AMN1: variants seen among roughly 807,000 people sequenced by gnomAD.
AMN1 encodes the protein antagonist of mitotic exit network 1 homolog.
A neutral mutation model predicts 33.0 loss-of-function variants in AMN1; 20 were observed. The observed-to-expected ratio is 0.61, with a 90% confidence interval of 0.43 to 0.88. The LOEUF (loss-of-function observed/expected upper bound fraction) is 0.88, where lower values mean the gene tolerates loss of function less well. Ranked by LOEUF, AMN1 falls within the 40% of genes least tolerant of loss-of-function variation. The pLI is 0.00. For synonymous variants in AMN1, 114 were observed against 111.9 expected, an observed-to-expected ratio of 1.02 and a Z score of -0.12; for missense variants, 246 against 307.4, an observed-to-expected ratio of 0.80 and a Z score of 1.49.
At chr12:31,703,901 A>G (rs751801992) in intron 2 of AMN1, among the ~76,000 whole-genome samples, 36 of 152,194 alleles carry the variant, frequency 2.4e-4, no homozygotes, top group African/African-American at 2.2e-4. Context: ...CTGGAACCCT[A>G]TGATTGCCAT....
chr12:31,672,740 A>C (rs548264705), intron 6 of AMN1: 1 of 185,976 alleles, frequency 5.4e-6, no homozygotes, highest in South Asian at 1.1e-4. Context: ...ATGATTCACT[A>C]AAGTGGGGTG....
chr12:31,701,962 T>C lies in AMN1; in HGVS notation c.217A>G (p.Ile73Val), dbSNP rs903499293. 3.1e-6 allele frequency: 5 copies of C among 1,610,006 alleles called. No individual in the cohort carries two copies. In the African/African-American group the frequency reaches 6.7e-5, roughly 22 times the overall value. ...VQTLDLRSCD[I>V]SDAALLHLSN... Reference sequence around the variant, plus strand: ...AGGTGCAGGAGAGCAGCATCTGATATATCGCAGCTCCGTAGATCTAGAGTT... The same window carrying C: ...AGGTGCAGGAGAGCAGCATCTGATACATCGCAGCTCCGTAGATCTAGAGTT... Residue 73 changes from isoleucine to valine, a missense_variant, in exon 3 of 7, where the codon ATA becomes GTA. By Grantham distance (29) the Ile-to-Val change is conservative. Transcript: ENST00000281471.
intron 5 of AMN1, among the ~76,000 whole-genome samples, chr12:31,692,414 T>C (rs1250934696): frequency 6.7e-6 from 1 of 149,514 alleles, no homozygotes; most frequent in Non-Finnish European, 1.5e-5. Context: ...CCGAGATCAC[T>C]GCATACCAGC....
chr12:31,693,224 T>C (rs1039056153), intron 5 of AMN1, among the ~76,000 whole-genome samples: 2 of 152,156 alleles, frequency 1.3e-5, no homozygotes, highest in Non-Finnish European at 2.9e-5. Flanking sequence ...AGTACAGGCA[T>C]GCACCACCAC....
rs1248728319 is a variant in AMN1 at position 31,723,109 on chromosome 12, G to T, written c.38+5862C>A. Among the ~76,000 whole-genome samples the T allele has an allele frequency of 2.6e-5, 4 of 151,998 alleles. No homozygotes were observed. In the East Asian group the frequency reaches 5.9e-4, roughly 22 times the overall value. On this transcript the variant is annotated intron_variant, in intron 1 of 6. Transcript: ENST00000281471. ...GGAGGCAGAGGTTGCAGTGAGCTGA[G>T]ATCGGGCCACTGCACTCCAGCCTGG...
intron 5 of AMN1, among the ~76,000 whole-genome samples, chr12:31,693,804 A>T (rs1938605090): frequency 6.6e-6 from 1 of 151,976 alleles, no homozygotes; most frequent in African/African-American, 2.4e-5. Flanking sequence ...AGCCTCCCAA[A>T]GTGCTGGGAT....
At chr12:31,681,285 G>C (rs1172364187) in intron 6 of AMN1, among the ~76,000 whole-genome samples, 1 of 152,050 alleles carries the variant, frequency 6.6e-6, no homozygotes, top group African/African-American at 2.4e-5. Flanking sequence ...CTGGAGTATA[G>C]TGGCATGACC....
chr12:31,704,260 C>T (rs1192518332), intron 2 of AMN1, among the ~76,000 whole-genome samples: 2 of 152,142 alleles, frequency 1.3e-5, no homozygotes, highest in Non-Finnish European at 2.9e-5. Context: ...TTTAAAGTCT[C>T]TGCCAAACTG....
intron 5 of AMN1, among the ~76,000 whole-genome samples, chr12:31,695,776 C>T (rs1161294303): frequency 5.9e-5 from 9 of 151,692 alleles, no homozygotes; most frequent in Admixed American, 5.9e-4. Context: ...CGTGAGCCAC[C>T]ATGCCCAACC....
chr12:31,681,852 T>C (rs1335946340), intron 6 of AMN1, among the ~76,000 whole-genome samples: 1 of 152,148 alleles, frequency 6.6e-6, no homozygotes, highest in Non-Finnish European at 1.5e-5. Flanking sequence ...ATTAAAACAA[T>C]TTTTTATAGA....
At position 31,684,472 on chromosome 12, in the gene AMN1, A is replaced by ATT. The variant is rs199644601; in HGVS notation, c.703+4533_703+4534dup. Among the ~76,000 whole-genome samples, 12 of 142,540 alleles carry ATT rather than the reference A, an allele frequency of 8.4e-5. No individual in the cohort carries two copies. The South Asian group carries it at 1.3e-3, about 16-fold the overall frequency. 93.5% of individuals were successfully genotyped at this position (142,540 alleles called of 152,430 possible). On this transcript the variant is annotated intron_variant, in intron 6 of 6. Coordinates refer to ENST00000281471, the MANE Select transcript of AMN1 (RefSeq NM_001113402.2). The stretch of plus-strand genomic sequence containing the variant: ...AAAAACTCTTTGGGGATCCTCAGTG[A>ATT]TTTTTTTTTTTTTTTTGAGATGGAG...
intron 2 of AMN1, among the ~76,000 whole-genome samples, chr12:31,705,771 C>T (rs1939209886): frequency 6.6e-6 from 1 of 152,056 alleles, no homozygotes; most frequent in Non-Finnish European, 1.5e-5. Flanking sequence ...AACATATAGC[C>T]CTCCTGTGCA....
At chr12:31,696,139 A>C (rs1316765676) in intron 5 of AMN1, among the ~76,000 whole-genome samples, 2 of 152,038 alleles carry the variant, frequency 1.3e-5, no homozygotes, top group Non-Finnish European at 2.9e-5. Context: ...CAGGAGACTG[A>C]GGCTGGAGAA....
At chr12:31,723,137 AAC>A (rs1939935821) in intron 1 of AMN1, among the ~76,000 whole-genome samples, 1 of 152,062 alleles carries the variant, frequency 6.6e-6, no homozygotes, top group Admixed American at 6.6e-5. Context: ...CAGCCTGGGC[AAC>A]AGAGTGAGAC....
chr12:31,674,354 G>A (rs1413317029), intron 6 of AMN1, among the ~76,000 whole-genome samples: 1 of 151,560 alleles, frequency 6.6e-6, no homozygotes, highest in African/African-American at 2.4e-5. Flanking sequence ...ATTGCAGTAA[G>A]CCAAGACCAT....
intron 1 of AMN1, among the ~76,000 whole-genome samples, chr12:31,722,140 C>T (rs1939900149): frequency 1.2e-5 from 1 of 84,544 alleles, no homozygotes; most frequent in African/African-American, 3.9e-5. Flanking sequence ...GACACACACA[C>T]ACACACACAC....
chr12:31,702,045 T>C, intron 2 of AMN1, 38 bp from the exon 3 acceptor site: 1 of 1,490,658 alleles, frequency 6.7e-7, no homozygotes, highest in Non-Finnish European at 9.0e-7. Context: ...ATTATTTCTT[T>C]CTATAAATAC....
In AMN1 at chr12:31,725,651, AT is replaced by A. The variant is rs367930826; in HGVS notation, c.38+3319del. On this transcript the variant is annotated intron_variant, in intron 1 of 6. Coordinates refer to ENST00000281471, the MANE Select transcript of AMN1 (RefSeq NM_001113402.2). ...TATCATCTACAAAGTTATACCCCCA[AT>A]CTTAGTTTCAATCCTTGATCTCTCT... Among the ~76,000 whole-genome samples the A allele has an allele frequency of 5.1e-4, 78 of 152,166 alleles. 3 individuals carry two copies. The South Asian group carries it at 0.01, about 20-fold the overall frequency.
intron 6 of AMN1, among the ~76,000 whole-genome samples, 198 bp downstream of exon 6, chr12:31,688,809 T>C (rs931079686): frequency 1.3e-5 from 2 of 150,080 alleles, no homozygotes; most frequent in African/African-American, 4.9e-5. Flanking sequence ...AGACTCCGTC[T>C]CCCAAAAAAT....
Sources: allele counts gnomAD v4.1 joint callset (sites outside exome capture counted in the v4.1 genomes callset), GRCh38; gene constraint gnomAD v4.1.1; transcripts MANE v1.5; gene names NCBI Gene and HGNC (gene_info 2026-07-23, HGNC 2026-07-21).